PTPN12: variants seen among roughly 807,000 people sequenced by gnomAD.
PTPN12 encodes tyrosine-protein phosphatase non-receptor type 12.
PTPN12 carries 29 observed loss-of-function variants against 97.6 expected under a neutral mutation model. That is an observed-to-expected ratio of 0.30 (90% CI 0.22 to 0.41). The LOEUF is 0.41. Among genes scored for constraint, PTPN12 ranks in the 10% least tolerant of loss-of-function variants. PTPN12 has a pLI of 1.00. For synonymous variants in PTPN12, 327 were observed against 300.4 expected, an observed-to-expected ratio of 1.09 and a Z score of -0.91; for missense variants, 819 against 926.0, an observed-to-expected ratio of 0.88 and a Z score of 1.50.
intron 5 of PTPN12, among the ~76,000 whole-genome samples, chr7:77,588,959 A>ATC (rs1052492405): frequency 3.3e-5 from 5 of 152,074 alleles, no homozygotes; most frequent in African/African-American, 1.2e-4. Context: ...TGCAACCTCC[A>ATC]TCTCCCGGGT....
At chr7:77,618,375 T>G in intron 11 of PTPN12, 105 bp from the exon 12 acceptor site, 1 of 709,798 alleles carries the variant, frequency 1.4e-6, no homozygotes, top group Non-Finnish European at 2.3e-6. Context: ...TTGGCAAAAT[T>G]GGCATTGTTT....
chr7:77,621,548 A>T (rs1424579947), intron 12 of PTPN12, among the ~76,000 whole-genome samples: 1 of 152,008 alleles, frequency 6.6e-6, no homozygotes, highest in African/African-American at 2.4e-5. Flanking sequence ...GGGCACCTGT[A>T]GTCTCAGCTA....
At chr7:77,583,522 A>T (rs375752041) in intron 3 of PTPN12, 33 bp from the exon 4 acceptor site, 14 of 1,350,872 alleles carry the variant, frequency 1.0e-5, no homozygotes, top group Non-Finnish European at 1.5e-5. Context: ...GGTAATCAAA[A>T]TAAATGTGAA....
intron 5 of PTPN12, among the ~76,000 whole-genome samples, chr7:77,591,785 G>A (rs1584156909): frequency 6.6e-6 from 1 of 152,144 alleles, no homozygotes; most frequent in East Asian, 1.9e-4. Context: ...CATTTAATGA[G>A]AATTCAGCCA....
intron 5 of PTPN12, among the ~76,000 whole-genome samples, chr7:77,588,122 A>T (rs1450938936): frequency 6.6e-6 from 1 of 152,230 alleles, no homozygotes; most frequent in Admixed American, 6.5e-5. Context: ...AATGTCCTCC[A>T]AAAACTTTTC....
intron 1 of PTPN12, among the ~76,000 whole-genome samples, chr7:77,540,714 C>T (rs1233878249): frequency 6.6e-6 from 1 of 150,642 alleles, no homozygotes; most frequent in Non-Finnish European, 1.5e-5. Context: ...GTAGTTGGTG[C>T]TGCTTTTTCC....
rs1427752136 is a variant in PTPN12, at chr7:77,564,759, T to TTTTTTTTTG, written c.100-6311_100-6310insGTTTTTTTT. Among the ~76,000 whole-genome samples, 12 of 99,124 alleles carry TTTTTTTTTG rather than the reference T, an allele frequency of 1.2e-4. 1 individual carries two copies. The East Asian group carries it at 3.9e-3, about 32-fold the overall frequency. 65.0% of individuals were successfully genotyped at this position (99,124 alleles called of 152,430 possible). ...TTTTGTTGTCGTGTTTTTTTTTTTT[T>TTTTTTTTTG]TTTTTTTTTTTTTTTTTGAGACGGA... On this transcript the variant is annotated intron_variant, in intron 1 of 17. Coordinates refer to ENST00000248594, the MANE Select transcript of PTPN12 (RefSeq NM_002835.4).
At chr7:77,546,078 C>T (rs371229504) in intron 1 of PTPN12, among the ~76,000 whole-genome samples, 1 of 152,088 alleles carries the variant, frequency 6.6e-6, no homozygotes. Flanking sequence ...ATTACGGGCG[C>T]CCGTGACCAC....
chr7:77,627,800 TG>T, intron 13 of PTPN12, 125 bp downstream of exon 13: 1 of 912,666 alleles, frequency 1.1e-6, no homozygotes, highest in Non-Finnish European at 1.5e-6. Context: ...CAGCAAAATC[TG>T]TCTTAGATAC....
chr7:77,609,619 G>T (rs965558752), intron 9 of PTPN12, among the ~76,000 whole-genome samples: 1 of 150,610 alleles, frequency 6.6e-6, no homozygotes, highest in Non-Finnish European at 1.5e-5. Context: ...GGTGGCTCAC[G>T]CCTGTAATCC....
intron 1 of PTPN12, among the ~76,000 whole-genome samples, chr7:77,543,719 C>G (rs1562701460): frequency 6.6e-6 from 1 of 152,110 alleles, no homozygotes; most frequent in South Asian, 2.1e-4. Context: ...CCTTCTGTTT[C>G]CATAGATTTA....
At chr7:77,580,736 T>A (rs547875534) in intron 2 of PTPN12, among the ~76,000 whole-genome samples, 1 of 152,314 alleles carries the variant, frequency 6.6e-6, no homozygotes, top group South Asian at 2.1e-4. Context: ...CCAAGAGCAG[T>A]GTTGAACACT....
At chr7:77,632,257 T>C (rs1789424053) in intron 13 of PTPN12, 91 bp from the exon 14 acceptor site, 4 of 982,486 alleles carry the variant, frequency 4.1e-6, no homozygotes, top group Admixed American at 3.9e-5. Flanking sequence ...TCTAGATATT[T>C]GTGACAGGAA....
At chr7:77,630,194 A>G (rs1789349763) in intron 13 of PTPN12, among the ~76,000 whole-genome samples, 1 of 152,132 alleles carries the variant, frequency 6.6e-6, no homozygotes, top group African/African-American at 2.4e-5. Context: ...TACCATATGG[A>G]TTATTTACTT....
chr7:77,639,422 A>G lies in PTPN12; in HGVS notation c.*142A>G. 1.6e-6 allele frequency: 1 copy of G among 635,612 alleles called. No homozygotes were observed. 39.4% of individuals were successfully genotyped at this position (635,612 alleles called of 1,614,324 possible). ...TTAATATTTTTTGCTGGGACCATCTACCTGCCTTATACTACACTTAGGAAA... is the reference window on the plus strand; with the variant it reads ...TTAATATTTTTTGCTGGGACCATCTGCCTGCCTTATACTACACTTAGGAAA... On this transcript the variant is annotated 3_prime_UTR_variant, in exon 18 of 18. Coordinates refer to ENST00000248594, the MANE Select transcript of PTPN12 (RefSeq NM_002835.4).
chr7:77,625,813 A>T (rs1381925010), intron 12 of PTPN12, among the ~76,000 whole-genome samples: 1 of 150,664 alleles, frequency 6.6e-6, no homozygotes, highest in African/African-American at 2.4e-5. Flanking sequence ...CAATTGATCC[A>T]CCCACCTTGG....
At chr7:77,575,104 G>C (rs1787297693) in intron 2 of PTPN12, among the ~76,000 whole-genome samples, 1 of 152,100 alleles carries the variant, frequency 6.6e-6, no homozygotes, top group South Asian at 2.1e-4. Flanking sequence ...AAAGTACTAG[G>C]ATTACTGGTG....
chr7:77,544,791 A>C (rs566730276), intron 1 of PTPN12, among the ~76,000 whole-genome samples: 1 of 152,348 alleles, frequency 6.6e-6, no homozygotes, highest in East Asian at 1.9e-4. Flanking sequence ...CTTGGCATTT[A>C]ATAGGCACTA....
chr7:77,595,024 T>C (rs1787980540), intron 6 of PTPN12, among the ~76,000 whole-genome samples: 1 of 152,104 alleles, frequency 6.6e-6, no homozygotes, highest in African/African-American at 2.4e-5. Context: ...AACTAAAAGG[T>C]ATATCTCTAT....
Sources: allele counts gnomAD v4.1 joint callset (sites outside exome capture counted in the v4.1 genomes callset), GRCh38; gene constraint gnomAD v4.1.1; transcripts MANE v1.5; gene names NCBI Gene and HGNC (gene_info 2026-07-23, HGNC 2026-07-21).